The following HSDL2 variants were observed in gnomAD, a reference collection of about 807,000 sequenced individuals.
HSDL2 encodes hydroxysteroid dehydrogenase like 2.
A neutral mutation model predicts 46.3 loss-of-function variants in HSDL2; 27 were observed. The observed-to-expected ratio is 0.58, with a 90% CI of 0.43 to 0.80. The LOEUF (loss-of-function observed/expected upper bound fraction) is 0.80. Ranked by LOEUF, HSDL2 falls within the 30% of genes least tolerant of loss-of-function variation. The probability of loss-of-function intolerance (pLI) is 0.00; values close to 1 mark genes in which losing one functional copy is unlikely to be tolerated. For synonymous variants in HSDL2, 153 were observed against 163.6 expected, an observed-to-expected ratio of 0.94 and a Z score of 0.50; for missense variants, 451 against 502.7, an observed-to-expected ratio of 0.90 and a Z score of 0.98.
At chr9:112,409,741 T>C (rs1305912996) in intron 4 of HSDL2, among the ~76,000 whole-genome samples, 1 of 152,036 alleles carries the variant, frequency 6.6e-6, no homozygotes, top group Non-Finnish European at 1.5e-5. Flanking sequence ...TGGTCTCATC[T>C]ACTCAGGAGA....
At position 112,454,130 on chromosome 9, in the gene HSDL2, CCA is replaced by C. The variant is rs1564131114; in HGVS notation, c.985_986del (p.Thr329SerfsTer7). On this transcript the variant is annotated frameshift_variant, in exon 9 of 11. Coordinates refer to ENST00000398805, the MANE Select transcript of HSDL2 (RefSeq NM_032303.5). LOFTEE classifies it high-confidence loss of function. ...TCTCTCAGTGATGATGTTGTTAAAG[CCA>C]CTCAAGCAATCTATCTGTTTGAACT... The C allele has an allele frequency of 6.2e-7, 1 of 1,613,770 alleles. No homozygotes were observed. Among genetic ancestry groups the C allele is most frequent in the East Asian group, 2.2e-5 (1 of 44,880 alleles).
At chr9:112,389,852 C>G (rs112772313) in intron 1 of HSDL2, among the ~76,000 whole-genome samples, 4,656 of 152,112 alleles carry the variant, frequency 0.031, 214 homozygotes, top group East Asian at 0.2. Context: ...ATCACTTGAG[C>G]TCAGGTATTC....
At chr9:112,380,296 G>T in intron 1 of HSDL2, 116 bp downstream of exon 1, 1 of 951,008 alleles carries the variant, frequency 1.1e-6, no homozygotes, top group East Asian at 2.8e-5. Flanking sequence ...CAAGGATACT[G>T]CCTGGGCACG....
chr9:112,417,750 T>A (rs1832024698), intron 5 of HSDL2, among the ~76,000 whole-genome samples: 1 of 151,350 alleles, frequency 6.6e-6, no homozygotes, highest in South Asian at 2.1e-4. Context: ...TTACTAGCAG[T>A]AGTTTCCCTT....
intron 9 of HSDL2, among the ~76,000 whole-genome samples, chr9:112,457,030 C>A (rs1833049738): frequency 6.6e-6 from 1 of 152,288 alleles, no homozygotes; most frequent in South Asian, 2.1e-4. Context: ...TGCCTGTAGT[C>A]CCAGCTACTT....
At chr9:112,459,319 G>C (rs762077126) in intron 9 of HSDL2, 130 bp from the exon 10 acceptor site, 3 of 929,402 alleles carry the variant, frequency 3.2e-6, no homozygotes, top group Non-Finnish European at 4.9e-6. Flanking sequence ...TGCTGAATTT[G>C]ACTGATGGAG....
At chr9:112,381,146 C>G (rs897622997) in intron 1 of HSDL2, among the ~76,000 whole-genome samples, 4 of 145,238 alleles carry the variant, frequency 2.8e-5, no homozygotes, top group African/African-American at 7.7e-5. Flanking sequence ...GCAGCAGACT[C>G]TATTCTTGGT....
chr9:112,449,709 C>T (rs1453395798), intron 8 of HSDL2, among the ~76,000 whole-genome samples: 1 of 151,674 alleles, frequency 6.6e-6, no homozygotes, highest in Non-Finnish European at 1.5e-5. Flanking sequence ...ACTAAAAATA[C>T]AAAAAATTAG....
chr9:112,462,513 C>A (rs555812082), intron 10 of HSDL2, among the ~76,000 whole-genome samples: 239 of 151,574 alleles, frequency 1.6e-3, no homozygotes, highest in African/African-American at 5.6e-3. Context: ...AGAATCTCTC[C>A]TTTTGGCCAA....
intron 6 of HSDL2, among the ~76,000 whole-genome samples, chr9:112,424,644 A>G (rs905390314): frequency 1.2e-4 from 19 of 152,044 alleles, no homozygotes; most frequent in African/African-American, 4.3e-4. Context: ...TTTTATTGTA[A>G]TAAGACAGCC....
intron 1 of HSDL2, among the ~76,000 whole-genome samples, chr9:112,382,864 A>T (rs925827683): frequency 6.6e-6 from 1 of 152,136 alleles, no homozygotes; most frequent in African/African-American, 2.4e-5. Flanking sequence ...TGTTTATTTA[A>T]CATGGAGAAA....
intron 2 of HSDL2, among the ~76,000 whole-genome samples, chr9:112,404,550 C>A (rs1831680008): frequency 6.6e-6 from 1 of 151,348 alleles, no homozygotes; most frequent in Non-Finnish European, 1.5e-5. Flanking sequence ...AAAAAAAAAT[C>A]TTGGTTCTTG....
At chr9:112,395,924 A>G (rs1831446502) in intron 1 of HSDL2, among the ~76,000 whole-genome samples, 1 of 152,216 alleles carries the variant, frequency 6.6e-6, no homozygotes, top group South Asian at 2.1e-4. Context: ...GGTGTTTCAG[A>G]TTTCCCTCGT....
intron 8 of HSDL2, among the ~76,000 whole-genome samples, chr9:112,451,546 T>C (rs1361243957): frequency 2.6e-5 from 4 of 152,252 alleles, no homozygotes; most frequent in Non-Finnish European, 5.9e-5. Context: ...TCTAAAATAG[T>C]CTTACATTCT....
chr9:112,384,753 T>G (rs1831181697), intron 1 of HSDL2, among the ~76,000 whole-genome samples: 1 of 150,190 alleles, frequency 6.7e-6, no homozygotes, highest in Non-Finnish European at 1.5e-5. Context: ...AAACAGAGTT[T>G]AGCTTATATA....
chr9:112,467,978 T>A lies in HSDL2; in HGVS notation c.1145-2454T>A, dbSNP rs1294972290. Among the ~76,000 whole-genome samples the A allele has an allele frequency of 2.0e-5, 3 of 152,122 alleles. No homozygotes were observed. The East Asian group carries it at 5.8e-4, about 29-fold the overall frequency. On this transcript the variant is annotated intron_variant, in intron 10 of 10. Transcript: ENST00000398805. ...TGGCACACATTGTCCAGTAGTTTCATGAGAAAGGATACATTAGAGATAATT... is the reference window on the plus strand; with the variant it reads ...TGGCACACATTGTCCAGTAGTTTCAAGAGAAAGGATACATTAGAGATAATT...
chr9:112,448,028 A>G (rs1190734694), intron 8 of HSDL2, among the ~76,000 whole-genome samples: 1 of 152,142 alleles, frequency 6.6e-6, no homozygotes, highest in Non-Finnish European at 1.5e-5. Context: ...CCCGCCACTT[A>G]TATTTATCAT....
intron 10 of HSDL2, among the ~76,000 whole-genome samples, chr9:112,459,779 T>C (rs1833150006): frequency 6.6e-6 from 1 of 152,238 alleles, no homozygotes; most frequent in Non-Finnish European, 1.5e-5. Flanking sequence ...CAGAATTATT[T>C]TCTTCCATTA....
intron 6 of HSDL2, among the ~76,000 whole-genome samples, chr9:112,421,883 T>C (rs1471361024): frequency 6.6e-6 from 1 of 152,126 alleles, no homozygotes; most frequent in East Asian, 1.9e-4. Context: ...GAGTAAGACT[T>C]GATTCTGTAA....
Sources: gnomAD v4.1 joint callset for allele counts (sites outside exome capture counted in the v4.1 genomes callset) on GRCh38, gnomAD v4.1.1 for gene constraint, MANE v1.5 for transcripts, NCBI Gene and HGNC (gene_info 2026-07-23, HGNC 2026-07-21) for gene names.